Variants in NAV1 observed in about 807,000 individuals in gnomAD.
NAV1 encodes the protein neuron navigator 1.
NAV1 carries 18 observed loss-of-function variants against 175.2 expected under a neutral mutation model. The observed-to-expected ratio is 0.10, with a 90% CI of 0.07 to 0.15. The LOEUF (loss-of-function observed/expected upper bound fraction) is 0.15, where lower values mean the gene tolerates loss of function less well. Ranked by LOEUF, NAV1 falls within the 10% of genes least tolerant of loss-of-function variation. The probability of loss-of-function intolerance (pLI) is 1.00; values close to 1 mark genes in which losing one functional copy is unlikely to be tolerated. For missense variants in NAV1, 1,731 were observed against 2,436.6 expected, an observed-to-expected ratio of 0.71 and a Z score of 6.10; for synonymous variants, 897 against 978.7, an observed-to-expected ratio of 0.92 and a Z score of 1.56.
intron 3 of NAV1, among the ~76,000 whole-genome samples, chr1:201,772,829 C>T (rs1011264811): frequency 2.0e-5 from 3 of 151,930 alleles, no homozygotes; most frequent in African/African-American, 2.4e-5. Flanking sequence ...GTCAGGAGAT[C>T]GAGACCATCC....
intron 2 of NAV1, among the ~76,000 whole-genome samples, chr1:201,591,715 C>T (rs1233562156): frequency 1.3e-5 from 2 of 152,172 alleles, no homozygotes; most frequent in South Asian, 2.1e-4. Context: ...CTGCTGCTTG[C>T]ATCTCCCTCT....
chr1:201,662,759 A>G (rs1166200791), intron 1 of NAV1, among the ~76,000 whole-genome samples: 6 of 152,058 alleles, frequency 3.9e-5, no homozygotes, highest in Admixed American at 2.0e-4. Context: ...CCTAACCACC[A>G]TGGCTCTGGA....
At chr1:201,666,537 T>G (rs989721458) in intron 1 of NAV1, among the ~76,000 whole-genome samples, 32 of 152,258 alleles carry the variant, frequency 2.1e-4, no homozygotes, top group Admixed American at 9.2e-4. Flanking sequence ...GGACTGAGGT[T>G]AGACTTTAAG....
intron 1 of NAV1, among the ~76,000 whole-genome samples, chr1:201,548,559 T>C (rs1665733560): frequency 6.6e-6 from 1 of 152,054 alleles, no homozygotes; most frequent in African/African-American, 2.4e-5. Flanking sequence ...AGATCCCATC[T>C]CTTAAAAAAA....
intron 1 of NAV1, among the ~76,000 whole-genome samples, chr1:201,697,588 C>T (rs1671244717): frequency 6.6e-6 from 1 of 152,234 alleles, no homozygotes; most frequent in African/African-American, 2.4e-5. Flanking sequence ...GCCTCAGTCT[C>T]CTCATCTGTG....
chr1:201,787,674 A>G lies in NAV1; in HGVS notation c.2996-794A>G, dbSNP rs1177886079. ...ACAGGTCTTTATGGACAGATTAGAC[A>G]TCCACCTGCCTGTATGGAGGCAGAA... On this transcript the variant is annotated intron_variant, in intron 9 of 29. Transcript: ENST00000367296. This position sits in a 1 kb window ranked among gnomAD's most constrained non-coding sequence, Gnocchi z 4.3. The G allele has an allele frequency of 2.2e-6, 1 of 456,290 alleles. No individual in the cohort carries two copies. Among genetic ancestry groups the G allele is most frequent in the East Asian group, 7.0e-5 (1 of 14,386 alleles). 28.3% of individuals were successfully genotyped at this position (456,290 alleles called of 1,614,324 possible).
chr1:201,642,920 C>G (rs1668844829), intron 2 of NAV1, among the ~76,000 whole-genome samples: 1 of 151,988 alleles, frequency 6.6e-6, no homozygotes, highest in South Asian at 2.1e-4. Context: ...CAGGCGCCCA[C>G]CACCACACCT....
intron 1 of NAV1, among the ~76,000 whole-genome samples, chr1:201,695,335 C>G (rs1257624051): frequency 6.6e-6 from 1 of 152,196 alleles, no homozygotes; most frequent in Non-Finnish European, 1.5e-5. Context: ...GTGTATAGTT[C>G]CGGGTTCAAG....
intron 2 of NAV1, among the ~76,000 whole-genome samples, chr1:201,639,369 GCTTTAAA>G (rs1668687997): frequency 2.6e-5 from 4 of 152,290 alleles, no homozygotes; most frequent in African/African-American, 7.2e-5. Context: ...TGGAGTTCTG[GCTTTAAA>G]AGAAGGAAGG....
rs1336720790 is a variant in NAV1 at position 201,813,018 on chromosome 1, C to T, written c.5222-122C>T. ...TCAGCACCCACTAGTCTTGACAACT[C>T]TAAATTTCCTTTAATCCTTTGACTG... On this transcript the variant is annotated intron_variant, in intron 27 of 29. Coordinates refer to ENST00000367296, the Ensembl canonical transcript of NAV1. The surrounding 1 kb of genome is among the most constrained non-coding windows in gnomAD (Gnocchi z 4.2). 5.5e-6 allele frequency: 4 copies of T among 722,928 alleles called. No homozygotes were observed. Among genetic ancestry groups the T allele is most frequent in the Non-Finnish European group, 9.4e-6 (4 of 427,324 alleles). The allele number at this position is 722,928 out of a possible 1,614,324, so 44.8% of individuals were successfully genotyped here.
chr1:201,732,332 A>T (rs376871633), intron 3 of NAV1, among the ~76,000 whole-genome samples: 2 of 152,100 alleles, frequency 1.3e-5, no homozygotes, highest in South Asian at 4.1e-4. Flanking sequence ...TAAAATACAC[A>T]CTAATTTTTG....
Position 201,783,560 on chromosome 1 carries a change from C to G in NAV1, c.2512C>G (p.Pro838Ala), listed in dbSNP as rs368653181. ...AAGCTCAGCATCTGGGGGCCCTCTCCCTTCCTGCTTCACCCCCAGTCCGGC... is the reference window on the plus strand; with the variant it reads ...AAGCTCAGCATCTGGGGGCCCTCTCGCTTCCTGCTTCACCCCCAGTCCGGC... Residue 838 changes from proline to alanine, a missense_variant, in exon 7 of 30, where the codon CCT becomes GCT. By Grantham distance (27) the Pro-to-Ala change is conservative. Around this residue, in one of 13 missense-constraint regions of NAV1, gnomAD observed 634 missense variants for 766.8 expected, o/e 0.83. Transcript: ENST00000367296. 6 of 1,614,176 alleles carry G rather than the reference C, an allele frequency of 3.7e-6. No individual in the cohort carries two copies. The South Asian group carries it at 6.6e-5, about 18-fold the overall frequency.
At chr1:201,693,594 C>T (rs1671050618) in intron 1 of NAV1, among the ~76,000 whole-genome samples, 1 of 151,998 alleles carries the variant, frequency 6.6e-6, no homozygotes, top group East Asian at 1.9e-4. Context: ...TGTTCCAGAG[C>T]TTGAAGGGGA....
intron 1 of NAV1, among the ~76,000 whole-genome samples, chr1:201,628,619 C>T (rs959075147): frequency 1.3e-5 from 2 of 152,216 alleles, no homozygotes; most frequent in African/African-American, 4.8e-5. Flanking sequence ...CTCCCCTCCC[C>T]CTCCTGCCAA....
Position 201,807,033 on chromosome 1 carries a change from C to T in NAV1, c.3649-920C>T, listed in dbSNP as rs183549090. 2.0e-5 allele frequency among the ~76,000 whole-genome samples: 3 copies of T among 151,152 alleles called. No homozygotes were observed. Among genetic ancestry groups the T allele is most frequent in the African/African-American group, 4.9e-5 (2 of 41,116 alleles). ...CTTGCTGCCATTTCATATCTGTGTC[C>T]CTGTGTGTGTGTGTGTATGTGTGTG... On this transcript the variant is annotated intron_variant, in intron 17 of 29. Coordinates refer to ENST00000367296, the Ensembl canonical transcript of NAV1. This position sits in a 1 kb window ranked among gnomAD's most constrained non-coding sequence, Gnocchi z 5.4.
chr1:201,620,356 T>C (rs1242967588), upstream of NAV1, among the ~76,000 whole-genome samples: 1 of 152,166 alleles, frequency 6.6e-6, no homozygotes, highest in Non-Finnish European at 1.5e-5. Flanking sequence ...AGTATTTTCA[T>C]TGTACATAAA....
At chr1:201,590,474 G>A (rs1667154898) in intron 2 of NAV1, among the ~76,000 whole-genome samples, 2 of 152,160 alleles carry the variant, frequency 1.3e-5, no homozygotes, top group African/African-American at 4.8e-5. Context: ...CATGTATACA[G>A]TCGTTTAACT....
chr1:201,771,664 T>C (rs1675599843), intron 3 of NAV1, among the ~76,000 whole-genome samples: 1 of 151,798 alleles, frequency 6.6e-6, no homozygotes, highest in African/African-American at 2.4e-5. Flanking sequence ...ACACACAACA[T>C]CTGGCATAAA....
intron 1 of NAV1, among the ~76,000 whole-genome samples, chr1:201,627,922 C>A (rs776962112): frequency 6.6e-6 from 1 of 151,654 alleles, no homozygotes; most frequent in African/African-American, 2.4e-5. Context: ...GGGCAGATCT[C>A]GAGCTCAGGA....
Sources: allele counts gnomAD v4.1 joint callset (sites outside exome capture counted in the v4.1 genomes callset), GRCh38; gene constraint gnomAD v4.1.1; regional missense constraint gnomAD v4.1.1; non-coding constraint Gnocchi (gnomAD v3.1); transcripts MANE v1.5; gene names NCBI Gene and HGNC (gene_info 2026-07-23, HGNC 2026-07-21).